FAM107A: variants seen among roughly 807,000 people sequenced by gnomAD.
FAM107A encodes the protein family with sequence similarity 107 member A, also known as actin-associated protein FAM107A.
A neutral mutation model predicts 13.7 loss-of-function variants in FAM107A; 19 were observed. The observed-to-expected ratio is 1.38, with a 90% CI of 0.97 to 2.03. The LOEUF is 2.03. FAM107A is among the 30% of genes most tolerant of loss of function. FAM107A has a pLI of 0.00. For synonymous variants in FAM107A, 82 were observed against 74.5 expected (o/e 1.10, Z -0.52); for missense variants, 203 against 184.4 (o/e 1.10, Z -0.58).
chr3:58,608,670 G>A (rs2065822931), intron 1 of FAM107A, among the ~76,000 whole-genome samples: 1 of 152,132 alleles, frequency 6.6e-6, no homozygotes, highest in South Asian at 2.1e-4. Flanking sequence ...AACTTGGCCT[G>A]GATTCTCCTT....
At chr3:58,594,712 T>C (rs1002799813) in intron 1 of FAM107A, among the ~76,000 whole-genome samples, 3 of 152,148 alleles carry the variant, frequency 2.0e-5, no homozygotes, top group South Asian at 2.1e-4. Context: ...TTCTTATTAA[T>C]ATAAGAAGAC....
At chr3:58,600,702 G>A (rs929662185) in intron 1 of FAM107A, among the ~76,000 whole-genome samples, 1 of 152,160 alleles carries the variant, frequency 6.6e-6, no homozygotes, top group Non-Finnish European at 1.5e-5. Flanking sequence ...CTGAGGAGCT[G>A]AAATTTTAGT....
At chr3:58,598,073 C>T (rs1407996052) in intron 1 of FAM107A, among the ~76,000 whole-genome samples, 1 of 152,198 alleles carries the variant, frequency 6.6e-6, no homozygotes. Context: ...CTGCCCTCCT[C>T]TACAACCTCC....
At chr3:58,591,698 T>TCCCGTAGCATGCAGACTTC (rs1396072442), upstream of FAM107A, among the ~76,000 whole-genome samples, 5 of 152,250 alleles carry the variant, frequency 3.3e-5, no homozygotes, top group East Asian at 9.7e-4. This position sits in a 1 kb window ranked among gnomAD's most constrained non-coding sequence, Gnocchi z 4.3. Context: ...AACCACGTGC[T>TCCCGTAGCATGCAGACTTC]CCCGTAGCAT....
intron 1 of FAM107A, among the ~76,000 whole-genome samples, chr3:58,610,932 A>G (rs1178378912): frequency 2.0e-5 from 3 of 152,142 alleles, no homozygotes; most frequent in Non-Finnish European, 4.4e-5. Flanking sequence ...TAGTTCCCAT[A>G]ATCCACATGG....
upstream of FAM107A, among the ~76,000 whole-genome samples, chr3:58,589,862 G>C (rs958223060): frequency 2.0e-5 from 3 of 152,148 alleles, no homozygotes; most frequent in African/African-American, 7.2e-5. Flanking sequence ...GTTTCTTAGA[G>C]TCCTGAGGCC....
intron 1 of FAM107A, among the ~76,000 whole-genome samples, chr3:58,615,949 A>AG (rs1404123321): frequency 2.7e-5 from 4 of 149,032 alleles, no homozygotes; most frequent in Non-Finnish European, 5.9e-5. Context: ...TGAAACCAGA[A>AG]GGAGTCAATC....
At chr3:58,609,475 C>T (rs1369599565) in intron 1 of FAM107A, among the ~76,000 whole-genome samples, 1 of 152,140 alleles carries the variant, frequency 6.6e-6, no homozygotes, top group Non-Finnish European at 1.5e-5. Flanking sequence ...TAGTCTTCTT[C>T]TTATACACAT....
chr3:58,575,374 C>T (rs935204025), intron 1 of FAM107A, among the ~76,000 whole-genome samples: 2 of 152,074 alleles, frequency 1.3e-5, no homozygotes, highest in Non-Finnish European at 1.5e-5. Context: ...TGATGCTCAC[C>T]GAAGACAAAC....
At position 58,621,393 on chromosome 3, in the gene FAM107A, CT is replaced by C. The variant is rs568794268; in HGVS notation, c.-70+6022del. ...AGGGCCCTGTGCTTGGTTTAATGCT[CT>C]GCTGTTGCTGTCTTGAGATTCTTAA... On this transcript the variant is annotated intron_variant, in intron 1 of 3. Transcript: ENST00000465970. Among the ~76,000 whole-genome samples the C allele has an allele frequency of 1.0e-3, 152 of 152,256 alleles. 4 individuals are homozygous for C. In the Middle Eastern group the frequency reaches 0.01, roughly 10 times the overall value.
At chr3:58,597,878 T>C (rs2065721097) in intron 1 of FAM107A, among the ~76,000 whole-genome samples, 1 of 152,176 alleles carries the variant, frequency 6.6e-6, no homozygotes, top group Non-Finnish European at 1.5e-5. Flanking sequence ...TAATTAGACT[T>C]GAGGCAGTCT....
rs565695317 is a variant in FAM107A at position 58,604,035 on chromosome 3, T to C, written c.-69-14766A>G. ...GGGTGGAAGCCCTCCCAATAGCCCC[T>C]GCCCCACCAGATGCCCCTCCGCCTG... On this transcript the variant is annotated intron_variant, in intron 1 of 3. Coordinates refer to the FAM107A transcript ENST00000465970. The surrounding 1 kb of genome is among the most constrained non-coding windows in gnomAD (Gnocchi z 4.1). Among the ~76,000 whole-genome samples, 1 of 152,254 alleles carries C rather than the reference T, an allele frequency of 6.6e-6. No homozygotes were observed. Among genetic ancestry groups the C allele is most frequent in the Non-Finnish European group, 1.5e-5 (1 of 68,006 alleles).
chr3:58,626,677 G>T (rs1552307), intron 1 of FAM107A, among the ~76,000 whole-genome samples: 13,510 of 152,226 alleles, frequency 0.089, 819 homozygotes, highest in Non-Finnish European at 0.13. Context: ...TATGGGGAAG[G>T]GGTACCCAGG....
At chr3:58,594,347 T>C (rs530606786) in intron 1 of FAM107A, among the ~76,000 whole-genome samples, 2 of 152,184 alleles carry the variant, frequency 1.3e-5, no homozygotes, top group Non-Finnish European at 2.9e-5. Context: ...CAGTGAAAGA[T>C]TGCTTGTAGG....
Position 58,569,580 on chromosome 3 carries a change from C to T in FAM107A, c.170+111G>A. ...GTGGGGCACCTCAGCCTTCCTCAGT[C>T]TCCAGGAGCCCCAGGATGAAAGCCA... On this transcript the variant is annotated intron_variant, in intron 2 of 3. Transcript: ENST00000360997. This position sits in a 1 kb window ranked among gnomAD's most constrained non-coding sequence, Gnocchi z 5.7. The T allele has an allele frequency of 1.1e-6, 1 of 917,066 alleles. No homozygotes were observed. Among genetic ancestry groups the T allele is most frequent in the Non-Finnish European group, 1.7e-6 (1 of 604,010 alleles). The allele number at this position is 917,066 out of a possible 1,614,324, so 56.8% of individuals were successfully genotyped here.
At chr3:58,621,786 G>A (rs1449175048) in intron 1 of FAM107A, among the ~76,000 whole-genome samples, 2 of 152,178 alleles carry the variant, frequency 1.3e-5, no homozygotes, top group Non-Finnish European at 2.9e-5. Context: ...GGGGTTGCAG[G>A]GTGGTGGGGA....
chr3:58,627,161 C>G (rs2066026912), intron 1 of FAM107A: 1 of 665,994 alleles, frequency 1.5e-6, no homozygotes, highest in Admixed American at 2.5e-5. Context: ...ACAGCTGCTC[C>G]TAAGCCCGGA....
At chr3:58,568,666 CAG>C (rs2063649233) in intron 2 of FAM107A, among the ~76,000 whole-genome samples, 2 of 152,256 alleles carry the variant, frequency 1.3e-5, no homozygotes, top group South Asian at 4.2e-4. Context: ...AAAAGCGACT[CAG>C]TGTACAAAAT....
intron 1 of FAM107A, chr3:58,626,853 A>G: frequency 1.5e-5 from 14 of 916,698 alleles, no homozygotes; most frequent in Non-Finnish European, 2.0e-5. Context: ...TTCCAGGGGG[A>G]GGGCTGGTGG....
Sources: allele counts gnomAD v4.1 joint callset (sites outside exome capture counted in the v4.1 genomes callset), GRCh38; gene constraint gnomAD v4.1.1; non-coding constraint Gnocchi (gnomAD v3.1); transcripts MANE v1.5; gene names NCBI Gene and HGNC (gene_info 2026-07-23, HGNC 2026-07-21).